Variants in ZNF534 observed in about 807,000 individuals in gnomAD.
The protein encoded by ZNF534 is KRAB domain only 3.
Under a neutral mutation model 13.6 loss-of-function variants are expected in ZNF534, and 19 were observed. The ratio of observed to expected loss-of-function variants is 1.40; its 90% CI spans 0.97 to 2.05. ZNF534 has a LOEUF of 2.05. Ranked by LOEUF, ZNF534 falls within the 30% of genes most tolerant of loss-of-function variation. The pLI is 0.00. For synonymous variants in ZNF534, 244 were observed against 273.8 expected (o/e 0.89, Z 1.07); for missense variants, 782 against 796.3 (o/e 0.98, Z 0.22).
At position 52,431,496 on chromosome 19, in the gene ZNF534, T is replaced by C; in HGVS notation, c.15+7T>C. ...AGGAATGGCCCTTACTCAGGTAAGGTAATGTTCTCAGTGGATTGTTCTGTC... is the reference window on the plus strand; with the variant it reads ...AGGAATGGCCCTTACTCAGGTAAGGCAATGTTCTCAGTGGATTGTTCTGTC... On this transcript the variant is annotated splice_region_variant and intron_variant, in intron 2 of 4. Transcript: ENST00000433050. The C allele has an allele frequency of 6.2e-7, 1 of 1,614,014 alleles. No homozygotes were observed. Among genetic ancestry groups the C allele is most frequent in the South Asian group, 1.1e-5 (1 of 91,068 alleles).
Position 52,438,498 on chromosome 19 carries a change from A to G in ZNF534, c.1038A>G (p.Thr346=). ...AGTCTTCCCTAACCACTCATCAGAC[A>G]GTTCATACTGGAGAGAGACCATACA... ...RHKSSLTTHQ[T]VHTGERPYKC... is the part of the protein sequence containing the mutation. The change falls in exon 5 of 5, where the codon ACA becomes ACG. Residue 346 remains threonine, a synonymous_variant. Coordinates refer to ENST00000433050, the MANE Select transcript of ZNF534 (RefSeq NM_001143938.3). The G allele has an allele frequency of 1.9e-6, 3 of 1,592,626 alleles. No homozygotes were observed. The highest frequency in any genetic ancestry group is 2.6e-6 in the Non-Finnish European group (3 of 1,168,668).
intron 4 of ZNF534, 141 bp downstream of exon 4, chr19:52,435,350 G>T: frequency 9.5e-7 from 1 of 1,050,248 alleles, no homozygotes; most frequent in South Asian, 2.3e-5. Flanking sequence ...GATCCTTCTG[G>T]CTTGGTCTTC....
intron 1 of ZNF534, among the ~76,000 whole-genome samples, chr19:52,430,640 T>C (rs2059081013): frequency 6.6e-6 from 1 of 151,356 alleles, no homozygotes; most frequent in Non-Finnish European, 1.5e-5. Flanking sequence ...AACCTCTGTC[T>C]CCTGGGTTCA....
At chr19:52,432,696 A>G (rs904002950) in intron 2 of ZNF534, among the ~76,000 whole-genome samples, 3 of 143,206 alleles carry the variant, frequency 2.1e-5, no homozygotes, top group Non-Finnish European at 4.5e-5. Flanking sequence ...GCAATGATGC[A>G]ATCTCGGCTC....
Position 52,442,362 on chromosome 19 carries a change from G to A in ZNF534, c.*2916G>A, listed in dbSNP as rs763893120. Reference sequence around the variant, plus strand: ...ATAGCATGTGCATTCTGTGCCTTAAGGACATGTTCATGCTGCAGATAACTA... The same window carrying A: ...ATAGCATGTGCATTCTGTGCCTTAAAGACATGTTCATGCTGCAGATAACTA... On this transcript the variant is annotated 3_prime_UTR_variant, in exon 5 of 5. Transcript: ENST00000433050. Among the ~76,000 whole-genome samples, 2 of 152,186 alleles carry A rather than the reference G, an allele frequency of 1.3e-5. No individual in the cohort carries two copies. The highest frequency in any genetic ancestry group is 2.1e-4 in the South Asian group (1 of 4,834).
rs931149229 is a variant in ZNF534 at position 52,440,750 on chromosome 19, C to T, written c.*1304C>T. Among the ~76,000 whole-genome samples, 1 of 150,158 alleles carries T rather than the reference C, an allele frequency of 6.7e-6. No homozygotes were observed. The highest frequency in any genetic ancestry group is 2.0e-4 in the East Asian group (1 of 5,086). The stretch of plus-strand genomic sequence containing the variant: ...GAGCCAAGAATGCGCTACTACACTC[C>T]AGCCTGTGTGACAGTGAGATTCTGT... On this transcript the variant is annotated 3_prime_UTR_variant, in exon 5 of 5. Transcript: ENST00000433050.
Position 52,429,592 on chromosome 19 carries a change from CTT to C in ZNF534, c.-68+364_-68+365del, listed in dbSNP as rs112310318. 2.5e-3 allele frequency among the ~76,000 whole-genome samples: 346 copies of C among 137,966 alleles called. 1 individual carries two copies. The highest frequency in any genetic ancestry group is 7.9e-3 in the African/African-American group (299 of 37,654). 90.5% of individuals were successfully genotyped at this position (137,966 alleles called of 152,430 possible). A position where few individuals can be genotyped will look rare whatever the true frequency, so the allele number is the denominator to read the frequency against. On this transcript the variant is annotated intron_variant, in intron 1 of 4. Coordinates refer to ENST00000433050, the MANE Select transcript of ZNF534 (RefSeq NM_001143938.3). ...ATCTGCTCGTTAGTCACTTAATAGTCTTTTTTTTTTTTTTTTTCCTGAGACTG... is the reference window on the plus strand; with the variant it reads ...ATCTGCTCGTTAGTCACTTAATAGTCTTTTTTTTTTTTTTTCCTGAGACTG...
At chr19:52,449,512 TC>T (rs1291832051) in intron 4 of ZNF534, among the ~76,000 whole-genome samples, 2 of 145,076 alleles carry the variant, frequency 1.4e-5, no homozygotes, top group African/African-American at 5.1e-5. Flanking sequence ...AGCATTTTCT[TC>T]CTTTGCATAT....
chr19:52,444,517 G>A (rs575474206), downstream of ZNF534, among the ~76,000 whole-genome samples: 13 of 152,100 alleles, frequency 8.5e-5, no homozygotes, highest in Non-Finnish European at 1.9e-4. Context: ...AGCATCAGCT[G>A]TGGTAGTATG....
intron 4 of ZNF534, 32 bp from the exon 5 acceptor site, chr19:52,437,700 G>A (rs1233755887): frequency 6.6e-7 from 1 of 1,525,086 alleles, no homozygotes; most frequent in South Asian, 1.3e-5. Context: ...CCAGAATCGG[G>A]ATTAAGTTCT....
Position 52,438,016 on chromosome 19 carries a change from T to G in ZNF534, c.556T>G (p.Tyr186Asp). The G allele has an allele frequency of 1.2e-6, 2 of 1,614,146 alleles. No individual in the cohort carries two copies. Among genetic ancestry groups the G allele is most frequent in the Non-Finnish European group, 1.7e-6 (2 of 1,180,032 alleles). ...EQKVHIREKP[Y>D]GCNEHGKVFR... ...GAAAGTACACATTAGGGAAAAGCCT[T>G]ATGGATGTAATGAGCATGGGAAAGT... is the stretch of plus-strand genomic sequence containing the variant. The change falls in exon 5 of 5, where the codon TAT becomes GAT. Residue 186 changes from tyrosine (Y) to aspartate (D), a missense_variant. Tyr to Asp is a radical substitution (Grantham distance 160). Coordinates refer to ENST00000433050, the MANE Select transcript of ZNF534 (RefSeq NM_001143938.3).
At position 52,438,289 on chromosome 19, in the gene ZNF534, A is replaced by C. The variant is rs1199135026; in HGVS notation, c.829A>C (p.Lys277Gln). The C allele has an allele frequency of 6.2e-7, 1 of 1,605,812 alleles. No individual in the cohort carries two copies. The highest frequency in any genetic ancestry group is 1.3e-5 in the African/African-American group (1 of 74,872). ...ACCTTACAATAACAAAGAATGTGGG[A>C]AAGTCTTTAGTCACCATGCCTACCT... ...QKPYNNKECG[K>Q]VFSHHAYLAQ... The change falls in exon 5 of 5, where the codon AAA becomes CAA. Residue 277 changes from lysine (K) to glutamine (Q), a missense_variant. Transcript: ENST00000433050.
In ZNF534 at chr19:52,441,284, G is replaced by A. The variant is rs188566116; in HGVS notation, c.*1838G>A. 4.1e-3 allele frequency among the ~76,000 whole-genome samples: 617 copies of A among 152,330 alleles called. 2 individuals are homozygous for A. Among genetic ancestry groups the A allele is most frequent in the Middle Eastern group, 6.8e-3 (2 of 294 alleles). On this transcript the variant is annotated 3_prime_UTR_variant, in exon 5 of 5. Transcript: ENST00000433050. Reference sequence around the variant, plus strand: ...AATCCCAGCCCTTTGGGAGGCCAAGGTGAGAGGATTGCTTGAACCCAGGAG... The same window carrying A: ...AATCCCAGCCCTTTGGGAGGCCAAGATGAGAGGATTGCTTGAACCCAGGAG...
In ZNF534 at chr19:52,438,802, A is replaced by G. The variant is rs780833231; in HGVS notation, c.1342A>G (p.Arg448Gly). ...YECIDCGKVFRHKSSLTYHCR... is the reference protein window; with the variant it reads ...YECIDCGKVFGHKSSLTYHCR... ...ATGTATAGACTGTGGCAAGGTCTTC[A>G]GGCACAAGTCTTCCCTAACCTATCA... The change falls in exon 5 of 5, where the codon AGG (arginine) becomes GGG (glycine). Residue 448 changes from arginine to glycine, a missense_variant. Physicochemically the swap from Arg to Gly is moderately radical, Grantham distance 125. This residue lies in a region of ZNF534 where 591 missense variants were observed against 574.0 expected (regional missense o/e 1.03). Transcript: ENST00000433050. The G allele has an allele frequency of 6.2e-7, 1 of 1,610,182 alleles. No individual in the cohort carries two copies. Among genetic ancestry groups the G allele is most frequent in the Non-Finnish European group, 8.5e-7 (1 of 1,178,086 alleles).
At chr19:52,433,592 T>G (rs1170110514) in intron 2 of ZNF534, among the ~76,000 whole-genome samples, 1 of 152,206 alleles carries the variant, frequency 6.6e-6, no homozygotes, top group East Asian at 1.9e-4. Flanking sequence ...GGTCTTGATC[T>G]CCTGACCTCG....
In ZNF534 at chr19:52,433,974, ATG is replaced by A; in HGVS notation, c.38_39del (p.Val13GlyfsTer40). The A allele has an allele frequency of 6.2e-7, 1 of 1,614,050 alleles. No homozygotes were observed. Among genetic ancestry groups the A allele is most frequent in the Non-Finnish European group, 8.5e-7 (1 of 1,179,984 alleles). The stretch of plus-strand genomic sequence containing the variant: ...TTTTAGGGGCAATTGTCATTCAGCG[ATG>A]TGGCCATAGAATTCTCTCAGGAGGA... On this transcript the variant is annotated frameshift_variant, in exon 3 of 5. Coordinates refer to ENST00000433050, the MANE Select transcript of ZNF534 (RefSeq NM_001143938.3). LOFTEE classifies it high-confidence loss of function.
chr19:52,438,828 CTG>C lies in ZNF534; in HGVS notation c.1370_1371del (p.Cys457Ter), dbSNP rs1447347283. The C allele has an allele frequency of 6.2e-7, 1 of 1,610,710 alleles. No individual in the cohort carries two copies. The highest frequency in any genetic ancestry group is 1.3e-5 in the African/African-American group (1 of 74,548). On this transcript the variant is annotated frameshift_variant, in exon 5 of 5. Coordinates refer to ENST00000433050, the MANE Select transcript of ZNF534 (RefSeq NM_001143938.3). LOFTEE classifies it low-confidence loss of function (END_TRUNC). ...GGCACAAGTCTTCCCTAACCTATCA[CTG>C]TAGAATTCATACTGGAGAGAAGCCT... ...FRHKSSLTYH[C>X]RIHTGEKPYK...
Position 52,429,169 on chromosome 19 carries a change from G to C in ZNF534, c.-143G>C, listed in dbSNP as rs2122641885. 6.6e-6 allele frequency: 1 copy of C among 152,222 alleles called. No homozygotes were observed. The highest frequency in any genetic ancestry group is 1.9e-4 in the East Asian group (1 of 5,184). 9.4% of individuals were successfully genotyped at this position (152,222 alleles called of 1,614,324 possible). A position where few individuals can be genotyped will look rare whatever the true frequency, so the allele number is the denominator to read the frequency against. Reference sequence around the variant, plus strand: ...CTGCAGACCCGGAAGTCGAGATCATGGAGTGAACGTTTCGCGCGCTTTTTC... The same window carrying C: ...CTGCAGACCCGGAAGTCGAGATCATCGAGTGAACGTTTCGCGCGCTTTTTC... On this transcript the variant is annotated 5_prime_UTR_variant, in exon 1 of 5. The change abolishes an upstream ATG in the 5' untranslated region. Coordinates refer to ENST00000433050, the MANE Select transcript of ZNF534 (RefSeq NM_001143938.3).
rs1185342696 is a variant in ZNF534, at chr19:52,433,975, T to C, written c.36T>C (p.Asp12=). Reference sequence around the variant, plus strand: ...TTTAGGGGCAATTGTCATTCAGCGATGTGGCCATAGAATTCTCTCAGGAGG... The same window carrying C: ...TTTAGGGGCAATTGTCATTCAGCGACGTGGCCATAGAATTCTCTCAGGAGG... ...ALTQGQLSFS[D]VAIEFSQEEW... is the part of the protein sequence containing the mutation. Residue 12 remains aspartate (D), a synonymous_variant, in exon 3 of 5, where the codon GAT becomes GAC. Transcript: ENST00000433050. The C allele has an allele frequency of 1.9e-6, 3 of 1,614,124 alleles. No individual in the cohort carries two copies. Among genetic ancestry groups the C allele is most frequent in the Admixed American group, 1.7e-5 (1 of 60,024 alleles).
Sources: gnomAD v4.1 joint callset for allele counts (sites outside exome capture counted in the v4.1 genomes callset) on GRCh38, gnomAD v4.1.1 for gene constraint, gnomAD v4.1.1 regional missense constraint, MANE v1.5 for transcripts, NCBI Gene and HGNC (gene_info 2026-07-23, HGNC 2026-07-21) for gene names.